Variants in TUBA3C observed in about 807,000 individuals in gnomAD.
The protein encoded by TUBA3C is tubulin alpha 3c, also known as tubulin alpha-3C chain.
Under a neutral mutation model 33.4 loss-of-function variants are expected in TUBA3C, and 23 were observed. The observed-to-expected ratio is 0.69, with a 90% CI of 0.50 to 0.98. The LOEUF is 0.98. Among genes scored for constraint, TUBA3C ranks in the 50% least tolerant of loss-of-function variants. The probability of loss-of-function intolerance (pLI) is 0.00; values close to 1 mark genes in which losing one functional copy is unlikely to be tolerated. For synonymous variants in TUBA3C, 269 were observed against 250.4 expected, an observed-to-expected ratio of 1.07 and a Z score of -0.70; for missense variants, 402 against 616.0, an observed-to-expected ratio of 0.65 and a Z score of 3.68.
chr13:19,179,196 C>A (rs1869307452), intron 2 of TUBA3C, 145 bp downstream of exon 2: 10 of 1,365,610 alleles, frequency 7.3e-6, no homozygotes, highest in Admixed American at 2.8e-5. Context: ...AATCACGAAC[C>A]TTTCAGTTTC....
At chr13:19,179,277 G>A in intron 2 of TUBA3C, 64 bp downstream of exon 2, 3 of 1,599,848 alleles carry the variant, frequency 1.9e-6, no homozygotes, top group Non-Finnish European at 2.6e-6. Context: ...GCCCACATGG[G>A]GCCTTACCGA....
chr13:19,174,801 A>T (rs2138953409), intron 4 of TUBA3C, among the ~76,000 whole-genome samples: 1 of 152,208 alleles, frequency 6.6e-6, no homozygotes, highest in East Asian at 1.9e-4. Context: ...CTCTACCAAA[A>T]ATACAAAAAA....
intron 2 of TUBA3C, 122 bp downstream of exon 2, chr13:19,179,219 G>A (rs1390869845): frequency 7.0e-7 from 1 of 1,436,946 alleles, no homozygotes; most frequent in Non-Finnish European, 9.3e-7. Context: ...TTAACACCAT[G>A]GGAATATGCT....
At chr13:19,179,141 A>C (rs892157528) in intron 2 of TUBA3C, among the ~76,000 whole-genome samples, 200 bp downstream of exon 2, 1 of 152,178 alleles carries the variant, frequency 6.6e-6, no homozygotes. Flanking sequence ...TTTTCCCTGT[A>C]GGCCAGGTTT....
rs5802006 is a variant in TUBA3C, at chr13:19,177,846, GTTTT to G, written c.376-243_376-240del. ...AGGACTCAAGATACTGTTCTAAGTT[GTTTT>G]TTTTTTTTTTTTTTTAGATAGAATC... On this transcript the variant is annotated intron_variant, in intron 3 of 4. Transcript: ENST00000400113. This position sits in a 1 kb window ranked among gnomAD's most constrained non-coding sequence, Gnocchi z 5.0. 2.3e-5 allele frequency among the ~76,000 whole-genome samples: 3 copies of G among 128,542 alleles called. No individual in the cohort carries two copies. The highest frequency in any genetic ancestry group is 2.6e-4 in the South Asian group (1 of 3,864). The allele number at this position is 128,542 out of a possible 152,430, so 84.3% of individuals were successfully genotyped here. A position where few individuals can be genotyped will look rare whatever the true frequency, so the allele number is the denominator to read the frequency against.
chr13:19,179,518 C>T lies in TUBA3C; in HGVS notation c.49G>A (p.Gly17Ser), dbSNP rs367637749. Residue 17 changes from glycine (G) to serine (S), a missense_variant, in exon 2 of 5, where the codon GGC (glycine) becomes AGC (serine). Physicochemically the swap from Gly to Ser is moderately conservative, Grantham distance 56. Transcript: ENST00000400113. ...IHVGQAGVQI[G>S]NACWELYCLE... ...CAGTACAGTTCCCAGCAGGCATTGCCGATCTGGACTCCTGCCTGCCCCACG... is the reference window on the plus strand; with the variant it reads ...CAGTACAGTTCCCAGCAGGCATTGCTGATCTGGACTCCTGCCTGCCCCACG... 35 of 1,614,066 alleles carry T rather than the reference C, an allele frequency of 2.2e-5. No homozygotes were observed. The highest frequency in any genetic ancestry group is 1.6e-4 in the Middle Eastern group (1 of 6,084).
chr13:19,177,165 G>A lies in TUBA3C; in HGVS notation c.818C>T (p.Ala273Val), dbSNP rs752758215. ...GGCCTTCTCGGCTGAGATGACCGGG[G>A]CGTAGGTGGCCAGGGGGAAGTGGAT... ...PRIHFPLATY[A>V]PVISAEKAYH... The change falls in exon 4 of 5, where the codon GCC becomes GTC. Residue 273 changes from alanine to valine, a missense_variant. Coordinates refer to ENST00000400113, the MANE Select transcript of TUBA3C (RefSeq NM_006001.3). This position sits in a 1 kb window ranked among gnomAD's most constrained non-coding sequence, Gnocchi z 5.0. 1 of 1,614,066 alleles carries A rather than the reference G, an allele frequency of 6.2e-7. No homozygotes were observed. Among genetic ancestry groups the A allele is most frequent in the Non-Finnish European group, 8.5e-7 (1 of 1,180,024 alleles).
At chr13:19,176,355 G>T (rs549667325) in intron 4 of TUBA3C, among the ~76,000 whole-genome samples, 29 of 152,186 alleles carry the variant, frequency 1.9e-4, no homozygotes, top group African/African-American at 6.7e-4. Context: ...AGCAGAGGTT[G>T]CAGTGAACCG....
intron 4 of TUBA3C, among the ~76,000 whole-genome samples, chr13:19,176,654 T>G (rs967598438): frequency 7.4e-6 from 1 of 134,610 alleles, no homozygotes; most frequent in African/African-American, 2.8e-5. Flanking sequence ...CTTGGGAGGC[T>G]GATGGAGATT....
At position 19,179,333 on chromosome 13, in the gene TUBA3C, G is replaced by A; in HGVS notation, c.226+8C>T. 1 of 1,613,906 alleles carries A rather than the reference G, an allele frequency of 6.2e-7. No individual in the cohort carries two copies. The highest frequency in any genetic ancestry group is 8.5e-7 in the Non-Finnish European group (1 of 1,179,816). ...AAGAAAGCTGCCATCCAGGACCCGA[G>A]CACCTACCGACCACAGTGGGCTCCA... On this transcript the variant is annotated splice_region_variant and intron_variant, in intron 2 of 4. Coordinates refer to ENST00000400113, the MANE Select transcript of TUBA3C (RefSeq NM_006001.3).
At position 19,177,350 on chromosome 13, in the gene TUBA3C, G is replaced by A; in HGVS notation, c.633C>T (p.Asp211=). The A allele has an allele frequency of 6.2e-7, 1 of 1,614,142 alleles. No homozygotes were observed. The highest frequency in any genetic ancestry group is 8.5e-7 in the Non-Finnish European group (1 of 1,180,036). Residue 211 remains aspartate (D), a synonymous_variant, in exon 4 of 5, where the codon GAC becomes GAT. Coordinates refer to ENST00000400113, the MANE Select transcript of TUBA3C (RefSeq NM_006001.3). The surrounding 1 kb of genome is among the most constrained non-coding windows in gnomAD (Gnocchi z 5.0). Reference sequence around the variant, plus strand: ...CGATGTCCAGGTTGCGCCGACATATGTCATAGATGGCTTCATTGTCGACCA... The same window carrying A: ...CGATGTCCAGGTTGCGCCGACATATATCATAGATGGCTTCATTGTCGACCA... The part of the protein sequence containing the change: ...AFMVDNEAIY[D]ICRRNLDIER...
Position 19,177,057 on chromosome 13 carries a change from T to G in TUBA3C, c.926A>C (p.His309Pro). ...ANQMVKCDPR[H>P]GKYMACCMLY... ...CATGCAGCAGGCCATGTACTTGCCG[T>G]GGCGAGGGTCACACTTGACCATCTG... is the stretch of plus-strand genomic sequence containing the variant. The change falls in exon 4 of 5, where the codon CAC becomes CCC. Residue 309 changes from histidine (H) to proline (P), a missense_variant. Transcript: ENST00000400113. This position sits in a 1 kb window ranked among gnomAD's most constrained non-coding sequence, Gnocchi z 5.0. 1 of 1,614,162 alleles carries G rather than the reference T, an allele frequency of 6.2e-7. No homozygotes were observed. The highest frequency in any genetic ancestry group is 2.2e-5 in the East Asian group (1 of 44,872).
chr13:19,176,300 C>G (rs1869177130), intron 4 of TUBA3C, among the ~76,000 whole-genome samples: 1 of 151,894 alleles, frequency 6.6e-6, no homozygotes, highest in South Asian at 2.1e-4. Flanking sequence ...TCTGTGGTCC[C>G]AGCTACTCAG....
chr13:19,176,923 A>T lies in TUBA3C; in HGVS notation c.1056+4T>A. On this transcript the variant is annotated splice_donor_region_variant and intron_variant, in intron 4 of 4. Transcript: ENST00000400113. ...TACAAGGACTCCACATTACCCAGTC[A>T]TACCTTAAATCCAGTTGGGCACCAA... The T allele has an allele frequency of 6.2e-7, 1 of 1,613,120 alleles. No homozygotes were observed. Among genetic ancestry groups the T allele is most frequent in the Non-Finnish European group, 8.5e-7 (1 of 1,179,282 alleles).
intron 3 of TUBA3C, 97 bp downstream of exon 3, chr13:19,178,149 G>A (rs1869267220): frequency 1.8e-5 from 28 of 1,539,036 alleles, no homozygotes; most frequent in Admixed American, 5.5e-5. Flanking sequence ...CCCAGCCAAC[G>A]CACTGGTCTA....
chr13:19,179,192 G>T, intron 2 of TUBA3C, 149 bp downstream of exon 2: 13 of 1,351,924 alleles, frequency 9.6e-6, no homozygotes, highest in Non-Finnish European at 1.3e-5. Context: ...CTTTAATCAC[G>T]AACCTTTCAG....
chr13:19,174,335 T>C (rs1869108665), intron 4 of TUBA3C, among the ~76,000 whole-genome samples, 176 bp from the exon 5 acceptor site: 5 of 152,042 alleles, frequency 3.3e-5, no homozygotes, highest in Admixed American at 3.3e-4. Flanking sequence ...AGACAACATA[T>C]GTTGCCCAGG....
At position 19,173,867 on chromosome 13, in the gene TUBA3C, T is replaced by C. The variant is rs1264982284; in HGVS notation, c.1349A>G (p.Tyr450Cys). Residue 450 changes from tyrosine (Y) to cysteine (C), a missense_variant, in exon 5 of 5, where the codon TAC becomes TGC. Coordinates refer to ENST00000400113, the MANE Select transcript of TUBA3C (RefSeq NM_006001.3). ...AGAACCCACCACACCCTCCCCTCAG[T>C]ATTCTTCACCTTCTTCAGCCTCGGC... ...VEAEAEEGEE[Y>C] 6.2e-7 allele frequency: 1 copy of C among 1,612,338 alleles called. No homozygotes were observed. The highest frequency in any genetic ancestry group is 2.2e-5 in the East Asian group (1 of 44,856).
At chr13:19,174,284 G>C (rs1220458667) in intron 4 of TUBA3C, 125 bp from the exon 5 acceptor site, 1 of 1,356,452 alleles carries the variant, frequency 7.4e-7, no homozygotes, top group Non-Finnish European at 9.9e-7. Flanking sequence ...CCCCACAAAT[G>C]TCACTAAGCC....
Sources: gnomAD v4.1 joint callset for allele counts (sites outside exome capture counted in the v4.1 genomes callset) on GRCh38, gnomAD v4.1.1 for gene constraint, Gnocchi (gnomAD v3.1) non-coding constraint, MANE v1.5 for transcripts, NCBI Gene and HGNC (gene_info 2026-07-23, HGNC 2026-07-21) for gene names.